The following AKAP19 variants were observed in gnomAD, a reference collection of about 807,000 sequenced individuals.
AKAP19 encodes the protein A-kinase anchoring protein 19.
At chr2:189,987,002 C>T in the AKAP19 span, among the ~76,000 whole-genome samples, 1 of 152,046 alleles carries the variant, frequency 6.6e-6, no homozygotes. Context: ...CAAAAAACCC[C>T]GTAAAACTTT....
the AKAP19 span, among the ~76,000 whole-genome samples, chr2:190,194,477 T>TACACACACACACAC: frequency 6.4e-5 from 9 of 141,370 alleles, no homozygotes; most frequent in Non-Finnish European, 1.2e-4. Flanking sequence ...ATCCTGTGTA[T>TACACACACACACAC]ACACACACAC....
the AKAP19 span, among the ~76,000 whole-genome samples, chr2:189,973,487 T>G: frequency 3.3e-5 from 5 of 152,344 alleles, no homozygotes; most frequent in African/African-American, 4.8e-5. Flanking sequence ...ATCAGGATGA[T>G]GCTGGCCTCA....
At chr2:190,058,964 C>A in the AKAP19 span, among the ~76,000 whole-genome samples, 3 of 151,432 alleles carry the variant, frequency 2.0e-5, no homozygotes, top group African/African-American at 7.3e-5. Context: ...ACCACTTGTA[C>A]CCCCCAACAT....
chr2:190,035,598 C>T, the AKAP19 span, among the ~76,000 whole-genome samples: 1 of 151,864 alleles, frequency 6.6e-6, no homozygotes, highest in African/African-American at 2.4e-5. Context: ...GTCTCTTCAC[C>T]CACCCCCACC....
At chr2:190,184,835 G>A in the AKAP19 span, among the ~76,000 whole-genome samples, 9 of 152,126 alleles carry the variant, frequency 5.9e-5, no homozygotes, top group Non-Finnish European at 1.2e-4. Flanking sequence ...CCTTGTATTA[G>A]TGAGAAATTA....
chr2:190,108,122 G>T, the AKAP19 span, among the ~76,000 whole-genome samples: 1 of 152,092 alleles, frequency 6.6e-6, no homozygotes, highest in Non-Finnish European at 1.5e-5. Flanking sequence ...GTTATATAAA[G>T]GTTGTTAAAT....
the AKAP19 span, among the ~76,000 whole-genome samples, chr2:190,157,972 T>A: frequency 2.0e-5 from 3 of 152,334 alleles, no homozygotes; most frequent in East Asian, 5.8e-4. Flanking sequence ...GACCTGGGCC[T>A]GCCTGGCCTA....
the AKAP19 span, among the ~76,000 whole-genome samples, chr2:190,084,040 A>T: frequency 6.6e-6 from 1 of 151,758 alleles, no homozygotes; most frequent in Non-Finnish European, 1.5e-5. Flanking sequence ...AATTTGCACA[A>T]AGCCCTACCC....
the AKAP19 span, among the ~76,000 whole-genome samples, chr2:190,190,648 G>A: frequency 4.6e-5 from 7 of 152,148 alleles, no homozygotes; most frequent in Non-Finnish European, 7.3e-5. Context: ...TAAAATGGTT[G>A]TACCATTTTA....
chr2:189,947,604 T>C, the AKAP19 span, among the ~76,000 whole-genome samples: 1 of 152,122 alleles, frequency 6.6e-6, no homozygotes, highest in East Asian at 1.9e-4. Flanking sequence ...AATTAAATGA[T>C]GATAATAATT....
At chr2:190,186,688 A>G in the AKAP19 span, among the ~76,000 whole-genome samples, 1 of 152,168 alleles carries the variant, frequency 6.6e-6, no homozygotes, top group Non-Finnish European at 1.5e-5. The surrounding 1 kb of genome is among the most constrained non-coding windows in gnomAD (Gnocchi z 5.5). Context: ...GTCCAAGTGA[A>G]TGATTCTCAA....
At chr2:190,062,781 T>C in the AKAP19 span, 1 of 580,246 alleles carries the variant, frequency 1.7e-6, no homozygotes, top group Middle Eastern at 4.6e-4. Context: ...ATGAGACAAG[T>C]GTCGTCAGGA....
the AKAP19 span, among the ~76,000 whole-genome samples, chr2:190,083,630 G>GCT: frequency 6.6e-6 from 1 of 152,186 alleles, no homozygotes; most frequent in Non-Finnish European, 1.5e-5. Context: ...TTAGTGATTA[G>GCT]CTATACATTG....
the AKAP19 span, among the ~76,000 whole-genome samples, chr2:190,086,691 G>T: frequency 6.6e-6 from 1 of 152,106 alleles, no homozygotes; most frequent in Non-Finnish European, 1.5e-5. Context: ...TGCTTGGCTT[G>T]GTTTGCTCTA....
the AKAP19 span, among the ~76,000 whole-genome samples, chr2:190,113,177 C>T: frequency 1.3e-5 from 2 of 152,102 alleles, no homozygotes; most frequent in South Asian, 4.2e-4. Context: ...TTTATTCACA[C>T]CTTCCTTCCT....
At chr2:189,999,964 AG>A in the AKAP19 span, among the ~76,000 whole-genome samples, 3 of 152,226 alleles carry the variant, frequency 2.0e-5, no homozygotes, top group Non-Finnish European at 4.4e-5. Context: ...TAACTAACGT[AG>A]GCAATAAAAT....
the AKAP19 span, among the ~76,000 whole-genome samples, chr2:190,047,839 G>A: frequency 6.6e-6 from 1 of 152,158 alleles, no homozygotes; most frequent in Non-Finnish European, 1.5e-5. Context: ...TGTGTCTTTT[G>A]GGGGAAAGGA....
At chr2:189,932,275 G>A in the AKAP19 span, among the ~76,000 whole-genome samples, 2 of 152,080 alleles carry the variant, frequency 1.3e-5, no homozygotes, top group African/African-American at 4.8e-5. Flanking sequence ...GGATGTGGTG[G>A]CACGCACCTG....
At chr2:189,913,260 C>G in the AKAP19 span, among the ~76,000 whole-genome samples, 1 of 152,042 alleles carries the variant, frequency 6.6e-6, no homozygotes, top group Non-Finnish European at 1.5e-5. Flanking sequence ...TTTCCAAGTT[C>G]TGTAATTAAA....
Sources: allele counts gnomAD v4.1 joint callset (sites outside exome capture counted in the v4.1 genomes callset), GRCh38; gene constraint gnomAD v4.1.1; non-coding constraint Gnocchi (gnomAD v3.1); transcripts MANE v1.5; gene names NCBI Gene and HGNC (gene_info 2026-07-23, HGNC 2026-07-21).